GRID2: variants seen among roughly 807,000 people sequenced by gnomAD.
The protein encoded by GRID2 is glutamate receptor ionotropic, delta-2.
GRID2 carries 33 observed loss-of-function variants against 114.8 expected under a neutral mutation model. The ratio of observed to expected loss-of-function variants is 0.29; its 90% CI spans 0.22 to 0.38. The LOEUF is 0.38. Among genes scored for constraint, GRID2 ranks in the 10% least tolerant of loss-of-function variants. The probability of loss-of-function intolerance (pLI) is 1.00; values close to 1 mark genes in which losing one functional copy is unlikely to be tolerated. For synonymous variants in GRID2, 505 were observed against 449.9 expected, an observed-to-expected ratio of 1.12 and a Z score of -1.55; for missense variants, 1,184 against 1,257.7, an observed-to-expected ratio of 0.94 and a Z score of 0.89.
At chr4:92,925,587 A>G (rs1362212191) in intron 2 of GRID2, among the ~76,000 whole-genome samples, 1 of 152,052 alleles carries the variant, frequency 6.6e-6, no homozygotes, top group African/African-American at 2.4e-5. Context: ...AACTAGATCA[A>G]ATGATTTTTA....
intron 2 of GRID2, among the ~76,000 whole-genome samples, chr4:92,621,823 G>A (rs543478512): frequency 4.0e-5 from 6 of 151,846 alleles, no homozygotes; most frequent in African/African-American, 1.2e-4. Flanking sequence ...TTCAAAGTTT[G>A]ATAATGATGA....
intron 8 of GRID2, among the ~76,000 whole-genome samples, chr4:93,244,774 C>G (rs2149521987): frequency 6.6e-6 from 1 of 151,348 alleles, no homozygotes; most frequent in Admixed American, 6.6e-5. Context: ...TTTCAAATAG[C>G]CAGTGATTAA....
intron 13 of GRID2, among the ~76,000 whole-genome samples, chr4:93,617,365 G>C (rs1285503950): frequency 6.6e-6 from 1 of 152,158 alleles, no homozygotes; most frequent in African/African-American, 2.4e-5. Flanking sequence ...TCTTTTGGGA[G>C]ACACAGAATC....
chr4:93,335,295 C>T (rs1276251381), intron 8 of GRID2, among the ~76,000 whole-genome samples: 2 of 152,132 alleles, frequency 1.3e-5, no homozygotes, highest in Non-Finnish European at 2.9e-5. Flanking sequence ...GACTTTTGCC[C>T]ATACTGTAGT....
At chr4:92,832,496 C>T (rs1272236024) in intron 2 of GRID2, among the ~76,000 whole-genome samples, 3 of 151,942 alleles carry the variant, frequency 2.0e-5, no homozygotes, top group African/African-American at 7.2e-5. Context: ...CGGGTTCAAG[C>T]TATTCTTCTG....
intron 2 of GRID2, among the ~76,000 whole-genome samples, chr4:92,949,846 G>A (rs1453160870): frequency 6.6e-6 from 1 of 151,878 alleles, no homozygotes; most frequent in African/African-American, 2.4e-5. Flanking sequence ...ATCTCTTAAA[G>A]ATTTTTCTAT....
At chr4:93,148,700 G>A (rs1398363825) in intron 4 of GRID2, among the ~76,000 whole-genome samples, 2 of 152,076 alleles carry the variant, frequency 1.3e-5, no homozygotes, top group African/African-American at 4.8e-5. Flanking sequence ...AATATCTGCA[G>A]TTATAAGTAA....
At chr4:93,043,026 A>G (rs185004746) in intron 2 of GRID2, among the ~76,000 whole-genome samples, 677 of 152,204 alleles carry the variant, frequency 4.4e-3, no homozygotes, top group Non-Finnish European at 7.7e-3. Flanking sequence ...TGAGTGTCTG[A>G]TTATAGAAGA....
chr4:93,029,266 A>C (rs1724167627), intron 2 of GRID2, among the ~76,000 whole-genome samples: 1 of 152,118 alleles, frequency 6.6e-6, no homozygotes, highest in Non-Finnish European at 1.5e-5. Context: ...CTTCAAAAAA[A>C]ATCTGTAATA....
chr4:93,057,504 T>G (rs1348361362), intron 2 of GRID2, among the ~76,000 whole-genome samples: 3 of 151,808 alleles, frequency 2.0e-5, no homozygotes, highest in African/African-American at 7.3e-5. Context: ...AACATGACTA[T>G]GTTTCAAAGC....
chr4:93,097,136 G>T (rs948184500), intron 3 of GRID2, among the ~76,000 whole-genome samples: 1 of 151,948 alleles, frequency 6.6e-6, no homozygotes, highest in African/African-American at 2.4e-5. Context: ...TGTGTCTGGG[G>T]TAGATTGTCT....
chr4:93,172,832 T>C (rs1207428705), intron 4 of GRID2, among the ~76,000 whole-genome samples: 1 of 151,988 alleles, frequency 6.6e-6, no homozygotes, highest in Non-Finnish European at 1.5e-5. Context: ...TTCAAATTAC[T>C]AAAGTTTGGG....
chr4:93,022,591 G>C (rs1294460986), intron 2 of GRID2, among the ~76,000 whole-genome samples: 1 of 151,882 alleles, frequency 6.6e-6, no homozygotes, highest in Non-Finnish European at 1.5e-5. Flanking sequence ...AACAGGTATT[G>C]CTGAATTATC....
intron 1 of GRID2, among the ~76,000 whole-genome samples, chr4:92,548,403 T>TTTTTTTTTTTTTTTTTTTTTTTTTTC (rs1726389570): frequency 8.3e-6 from 1 of 120,116 alleles, no homozygotes; most frequent in African/African-American, 3.4e-5. Context: ...ACTGTGTAAT[T>TTTTTTTTTTTTTTTTTTTTTTTTTTC]TTTTTTTTTT....
At chr4:93,237,277 C>T (rs1746908914) in intron 7 of GRID2, among the ~76,000 whole-genome samples, 2 of 151,640 alleles carry the variant, frequency 1.3e-5, no homozygotes, top group African/African-American at 4.8e-5. Context: ...TATAAAAATA[C>T]AATAGATTAA....
intron 2 of GRID2, among the ~76,000 whole-genome samples, chr4:92,943,348 C>A (rs1327680905): frequency 1.3e-5 from 2 of 152,142 alleles, no homozygotes; most frequent in Admixed American, 6.5e-5. Context: ...ATCACTGATA[C>A]CCTTTCTTCC....
intron 14 of GRID2, among the ~76,000 whole-genome samples, chr4:93,632,118 C>G (rs1720955539): frequency 6.6e-6 from 1 of 152,016 alleles, no homozygotes; most frequent in Non-Finnish European, 1.5e-5. Context: ...GGATATTAGC[C>G]CTTTGTCAGA....
At chr4:92,936,800 G>A (rs1379319316) in intron 2 of GRID2, among the ~76,000 whole-genome samples, 3 of 146,288 alleles carry the variant, frequency 2.1e-5, no homozygotes, top group African/African-American at 7.3e-5. Context: ...ACTTACTTCT[G>A]AGAATCCTCA....
intron 13 of GRID2, among the ~76,000 whole-genome samples, chr4:93,616,945 T>G (rs1396656489): frequency 6.7e-6 from 1 of 149,628 alleles, no homozygotes; most frequent in Non-Finnish European, 1.5e-5. Context: ...TGAGCTAAGA[T>G]CATGCCACTA....
Sources: allele counts gnomAD v4.1 joint callset (sites outside exome capture counted in the v4.1 genomes callset), GRCh38; gene constraint gnomAD v4.1.1; transcripts MANE v1.5; gene names NCBI Gene and HGNC (gene_info 2026-07-23, HGNC 2026-07-21).